The following PDE4DIP variants were observed in gnomAD, a reference collection of about 807,000 sequenced individuals.
PDE4DIP encodes the protein myomegalin.
A neutral mutation model predicts 221.4 loss-of-function variants in PDE4DIP; 59 were observed. The observed-to-expected ratio is 0.27, with a 90% CI of 0.22 to 0.33. The LOEUF is 0.33. Among genes scored for constraint, PDE4DIP ranks in the 10% least tolerant of loss-of-function variants. The pLI, the probability that PDE4DIP is intolerant of heterozygous loss-of-function variation, is 1.00. For synonymous variants in PDE4DIP, 404 were observed against 815.9 expected (o/e 0.50, Z 8.60); for missense variants, 1,036 against 2,154.2 (o/e 0.48, Z 10.28).
At position 148,934,374 on chromosome 1, in the gene PDE4DIP, T is replaced by C. The variant is rs587605694; in HGVS notation, c.518+2086T>C. 7.2e-5 allele frequency among the ~76,000 whole-genome samples: 11 copies of C among 152,018 alleles called. 1 individual carries two copies. In the South Asian group the frequency reaches 2.3e-3, roughly 32 times the overall value. ...ACCCCAAGTAAAGCACATGCACATC[T>C]GAAAATAAATTGAGGCCACTCATCA... On this transcript the variant is annotated intron_variant, in intron 4 of 43. Transcript: ENST00000369354.
chr1:148,982,068 T>C (rs1553543961), intron 21 of PDE4DIP: 1 of 153,002 alleles, frequency 6.5e-6, no homozygotes, highest in Non-Finnish European at 1.5e-5. Context: ...ATGAAAGTGA[T>C]CATAGTCAAC....
chr1:148,954,009 A>T, intron 5 of PDE4DIP: 1 of 712,850 alleles, frequency 1.4e-6, no homozygotes. Flanking sequence ...TGGACTTGAG[A>T]AAATTAGTCA....
intron 1 of PDE4DIP, among the ~76,000 whole-genome samples, chr1:148,859,597 G>C (rs1683125455): frequency 6.6e-6 from 1 of 151,966 alleles, no homozygotes; most frequent in Admixed American, 6.6e-5. Context: ...AGCATCATGG[G>C]AGAAAGATTA....
intron 5 of PDE4DIP, among the ~76,000 whole-genome samples, chr1:148,956,433 C>T (rs1553502517): frequency 6.6e-6 from 1 of 151,958 alleles, no homozygotes; most frequent in African/African-American, 2.4e-5. Flanking sequence ...AGAAAAATAG[C>T]AACAGTGTAG....
chr1:148,967,081 T>TTTCAGAAAACCAAA (rs2058320105), intron 12 of PDE4DIP, 105 bp downstream of exon 15: 6 of 520,978 alleles, frequency 1.2e-5, no homozygotes, highest in Admixed American at 5.7e-5. Context: ...GGATTTTGCT[T>TTTCAGAAAACCAAA]TATAAGGGGG....
chr1:148,918,239 GGAGTT>G (rs1259991714), intron 1 of PDE4DIP, among the ~76,000 whole-genome samples: 1 of 33,750 alleles, frequency 3.0e-5, no homozygotes, highest in Non-Finnish European at 6.4e-5. Context: ...AGTTAGAGTA[GGAGTT>G]GAGTTGAGTG....
intron 21 of PDE4DIP, chr1:148,981,890 A>G (rs1208315675): frequency 6.1e-6 from 1 of 164,154 alleles, no homozygotes; most frequent in African/African-American, 2.4e-5. Flanking sequence ...AATCAAAAGC[A>G]TGCAAGTTTT....
In PDE4DIP at chr1:148,962,195, G is replaced by C. The variant is rs144365853; in HGVS notation, c.889-1G>C. The C allele has an allele frequency of 1.1e-5, 9 of 791,480 alleles. No individual in the cohort carries two copies. The highest frequency in any genetic ancestry group is 2.0e-5 in the Non-Finnish European group (9 of 457,436). 49.0% of individuals were successfully genotyped at this position (791,480 alleles called of 1,614,324 possible). On this transcript the variant is annotated splice_acceptor_variant, in intron 7 of 43. Coordinates refer to ENST00000369354, the Ensembl canonical transcript of PDE4DIP. LOFTEE classifies it high-confidence loss of function. Reference sequence around the variant, plus strand: ...TTTGATATTCCCTCTCTCATTTTCAGACTGAGGAGTTGTACCAGGTAATTG... The same window carrying C: ...TTTGATATTCCCTCTCTCATTTTCACACTGAGGAGTTGTACCAGGTAATTG...
In PDE4DIP at chr1:148,910,853, C is replaced by T. The variant is rs1390531391; in HGVS notation, c.142-18344C>T. Among the ~76,000 whole-genome samples, 9 of 104,858 alleles carry T rather than the reference C, an allele frequency of 8.6e-5. 3 individuals carry two copies. Among genetic ancestry groups the T allele is most frequent in the African/African-American group, 1.3e-4 (3 of 23,860 alleles). 68.8% of individuals were successfully genotyped at this position (104,858 alleles called of 152,430 possible). A position where few individuals can be genotyped will look rare whatever the true frequency, so the allele number is the denominator to read the frequency against. On this transcript the variant is annotated intron_variant, in intron 1 of 43. Transcript: ENST00000369354. ...AGAAGGTAAATTAGTTCAGTCACTG[C>T]GGAAAGCAGTTTGGTGATTTCTCAA...
intron 5 of PDE4DIP, among the ~76,000 whole-genome samples, chr1:148,955,753 A>G (rs1553501678): frequency 1.3e-5 from 2 of 152,188 alleles, no homozygotes; most frequent in Admixed American, 6.5e-5. Context: ...TGGTAACTGT[A>G]TCTTCAGGTC....
At position 148,858,403 on chromosome 1, in the gene PDE4DIP, A is replaced by T. The variant is rs2312045; in HGVS notation, c.234-4847A>T. ...TCTGAATTTTTGTTCATAATAATAA[A>T]ATATATATATATATATATAAAGAAG... On this transcript the variant is annotated intron_variant, in intron 1 of 45. Transcript: ENST00000524974. Among the ~76,000 whole-genome samples, 13 of 110,702 alleles carry T rather than the reference A, an allele frequency of 1.2e-4. 3 individuals are homozygous for T. Among genetic ancestry groups the T allele is most frequent in the East Asian group, 1.8e-3 (2 of 1,124 alleles). The allele number at this position is 110,702 out of a possible 152,430, so 72.6% of individuals were successfully genotyped here. A position where few individuals can be genotyped will look rare whatever the true frequency, so the allele number is the denominator to read the frequency against.
chr1:148,951,663 A>G (rs1209012091), intron 5 of PDE4DIP, among the ~76,000 whole-genome samples: 1 of 152,268 alleles, frequency 6.6e-6, no homozygotes, highest in Non-Finnish European at 1.5e-5. Context: ...TGCATCCTTA[A>G]AAAAGCCCAT....
chr1:149,030,606 G>C (rs148921274), intron 43 of PDE4DIP: 1 of 841,120 alleles, frequency 1.2e-6, no homozygotes, highest in Non-Finnish European at 1.4e-6. Context: ...TTAGACATTC[G>C]GGAGTCTGCC....
At chr1:148,965,590 A>G in exon 10 of PDE4DIP, 1 of 1,051,190 alleles carries the variant, frequency 9.5e-7, no homozygotes, top group South Asian at 1.3e-5. Context: ...ACCCAGGAAC[A>G]AAACATCCAG....
chr1:148,978,315 C>A (rs782140969), exon 19 of PDE4DIP: 25 of 1,611,994 alleles, frequency 1.6e-5, no homozygotes, highest in Non-Finnish European at 2.0e-5. Flanking sequence ...GAAGACATAC[C>A]AGCTATGGAA....
At chr1:148,821,755 T>A (rs3843255) in intron 1 of PDE4DIP, among the ~76,000 whole-genome samples, 1 of 148,080 alleles carries the variant, frequency 6.8e-6, no homozygotes, top group Non-Finnish European at 1.5e-5. Flanking sequence ...AGGAACATCA[T>A]ATGATCTGAA....
rs782335987 is a variant in PDE4DIP, at chr1:149,029,933, C to T, written c.6952+8C>T. The T allele has an allele frequency of 3.1e-5, 41 of 1,339,038 alleles. No individual in the cohort carries two copies. The highest frequency in any genetic ancestry group is 1.4e-4 in the African/African-American group (9 of 65,942). The allele number at this position is 1,339,038 out of a possible 1,614,324, so 82.9% of individuals were successfully genotyped here. A position where few individuals can be genotyped will look rare whatever the true frequency, so the allele number is the denominator to read the frequency against. On this transcript the variant is annotated splice_region_variant and intron_variant, in intron 42 of 43. Transcript: ENST00000369354. ...AGTTCATCGTCAGCCAGCGTAGGTT[C>T]CCTGAGAGGGAATGGGGGAAGAAAC...
intron 37 of PDE4DIP, among the ~76,000 whole-genome samples, chr1:149,022,087 G>T (rs1211396518): frequency 2.7e-5 from 4 of 150,220 alleles, no homozygotes; most frequent in Non-Finnish European, 5.9e-5. Flanking sequence ...AGCCATTCAT[G>T]GACATGAGGG....
chr1:149,030,342 G>C, intron 43 of PDE4DIP, 64 bp downstream of exon 46: 1 of 1,551,614 alleles, frequency 6.4e-7, no homozygotes, highest in South Asian at 1.2e-5. Flanking sequence ...CCATCCGTTA[G>C]CAGATCTTGT....
Sources: allele counts gnomAD v4.1 joint callset (sites outside exome capture counted in the v4.1 genomes callset), GRCh38; gene constraint gnomAD v4.1.1; transcripts MANE v1.5; gene names NCBI Gene and HGNC (gene_info 2026-07-23, HGNC 2026-07-21).